GRIK2: variants seen among roughly 807,000 people sequenced by gnomAD.
GRIK2 encodes the protein glutamate receptor ionotropic, kainate 2.
In GRIK2, 32 loss-of-function variants were observed where a neutral mutation model predicts 100.3. The observed-to-expected ratio is 0.32, with a 90% confidence interval of 0.24 to 0.43. The LOEUF is 0.43. GRIK2 is among the 20% of genes least tolerant of loss of function. GRIK2 has a pLI of 1.00. For missense variants in GRIK2, 843 were observed against 1,114.9 expected (o/e 0.76, Z 3.47); for synonymous variants, 417 against 389.4 (o/e 1.07, Z -0.83).
At chr6:101,410,883 G>T (rs1775858297) in intron 2 of GRIK2, among the ~76,000 whole-genome samples, 1 of 152,028 alleles carries the variant, frequency 6.6e-6, no homozygotes, top group Non-Finnish European at 1.5e-5. Context: ...CAAGGGTAAG[G>T]TGGAGGACAA....
At chr6:101,953,060 T>G (rs974899029) in intron 14 of GRIK2, among the ~76,000 whole-genome samples, 1 of 152,226 alleles carries the variant, frequency 6.6e-6, no homozygotes, top group Non-Finnish European at 1.5e-5. Flanking sequence ...GCTCTTTGGC[T>G]TTAACTGAAC....
intron 14 of GRIK2, among the ~76,000 whole-genome samples, chr6:101,950,536 A>G (rs1482756258): frequency 1.3e-5 from 2 of 152,118 alleles, no homozygotes; most frequent in Non-Finnish European, 2.9e-5. Flanking sequence ...GATACTCTGA[A>G]TGATGAAGCA....
At chr6:101,783,018 G>T (rs535632469) in intron 7 of GRIK2, among the ~76,000 whole-genome samples, 1 of 151,750 alleles carries the variant, frequency 6.6e-6, no homozygotes, top group Admixed American at 6.6e-5. Context: ...CACCATGCCC[G>T]GCTAATTTTT....
chr6:101,402,911 C>CG (rs1303081803), intron 2 of GRIK2, among the ~76,000 whole-genome samples: 3 of 152,164 alleles, frequency 2.0e-5, no homozygotes, highest in Non-Finnish European at 4.4e-5. Context: ...CTTCCGTCCG[C>CG]GGGGGTGTGA....
chr6:101,928,291 A>G (rs898007213), intron 13 of GRIK2, 124 bp from the exon 14 acceptor site: 9 of 628,080 alleles, frequency 1.4e-5, no homozygotes, highest in Non-Finnish European at 2.3e-5. Context: ...TACTAAAGAA[A>G]TATGTAAATC....
intron 14 of GRIK2, among the ~76,000 whole-genome samples, chr6:102,016,563 CA>C (rs1031357607): frequency 9.2e-4 from 135 of 147,040 alleles, no homozygotes; most frequent in African/African-American, 3.1e-3. Context: ...TAAAAAAATT[CA>C]AAAAAAATTT....
chr6:101,905,441 G>T (rs1381485958), intron 12 of GRIK2, among the ~76,000 whole-genome samples: 1 of 151,456 alleles, frequency 6.6e-6, no homozygotes, highest in Non-Finnish European at 1.5e-5. Flanking sequence ...TTCATAAATA[G>T]CAGTTATTCT....
chr6:102,031,531 T>C (rs1247755609), intron 14 of GRIK2, among the ~76,000 whole-genome samples: 1 of 151,262 alleles, frequency 6.6e-6, no homozygotes, highest in African/African-American at 2.4e-5. Context: ...GGGTACATTA[T>C]GTGATGCTGA....
rs150409925 is a variant in GRIK2 at position 101,904,390 on chromosome 6, A to G, written c.1748+14527A>G. 2.7e-3 allele frequency among the ~76,000 whole-genome samples: 404 copies of G among 151,598 alleles called. 3 individuals are homozygous for G. The highest frequency in any genetic ancestry group is 8.8e-3 in the African/African-American group (365 of 41,494). On this transcript the variant is annotated intron_variant, in intron 12 of 16. Coordinates refer to ENST00000369134, the MANE Select transcript of GRIK2 (RefSeq NM_021956.5). ...AAGTTTTTAAAAAAATTACTGAAAC[A>G]ACATCATTGCTTCAATTTTTAATAT...
intron 2 of GRIK2, among the ~76,000 whole-genome samples, chr6:101,514,518 C>A (rs1369598192): frequency 1.3e-5 from 2 of 152,030 alleles, no homozygotes; most frequent in African/African-American, 4.8e-5. Flanking sequence ...CTTATAATTT[C>A]TCTAATATAG....
At chr6:101,984,474 G>T (rs1268465140) in intron 14 of GRIK2, among the ~76,000 whole-genome samples, 2 of 151,538 alleles carry the variant, frequency 1.3e-5, no homozygotes, top group African/African-American at 2.4e-5. Context: ...ATTTATACTT[G>T]CTGGACACAA....
chr6:101,639,963 T>A (rs559633616), intron 4 of GRIK2, among the ~76,000 whole-genome samples: 1 of 152,302 alleles, frequency 6.6e-6, no homozygotes, highest in South Asian at 2.1e-4. Flanking sequence ...CAAACCCTAA[T>A]GAAAATACAA....
At chr6:101,808,705 G>A (rs547948113) in intron 9 of GRIK2, among the ~76,000 whole-genome samples, 9 of 151,850 alleles carry the variant, frequency 5.9e-5, no homozygotes, top group Non-Finnish European at 1.2e-4. Context: ...CAGCAGATAG[G>A]CTCTAATAAA....
At chr6:101,859,170 A>G (rs568421215) in intron 10 of GRIK2, 117 bp from the exon 11 acceptor site, 2 of 587,426 alleles carry the variant, frequency 3.4e-6, no homozygotes, top group South Asian at 4.6e-5. Context: ...AAGAAAATAA[A>G]GTTGACTGTT....
Position 102,068,349 on chromosome 6 carries a change from G to C in GRIK2, c.2565G>C (p.Arg855Ser), listed in dbSNP as rs544856914. The change falls in exon 17 of 17, where the codon AGG becomes AGC. Residue 855 changes from arginine to serine, a missense_variant and splice_region_variant. Transcript: ENST00000369134. ...KSKKNAQLEK[R>S]SFCSAMVEEL... ...AATTTTTCTGTGTTCTTCTGTAGAG[G>C]TCCTTCTGTAGTGCCATGGTAGAAG... 1 of 1,607,622 alleles carries C rather than the reference G, an allele frequency of 6.2e-7. No homozygotes were observed. The highest frequency in any genetic ancestry group is 1.1e-5 in the South Asian group (1 of 90,854).
rs573009286 is a variant in GRIK2 at position 101,819,153 on chromosome 6, A to G, written c.1317+670A>G. 2.2e-4 allele frequency among the ~76,000 whole-genome samples: 33 copies of G among 152,254 alleles called. No homozygotes were observed. In the South Asian group the frequency reaches 6.4e-3, roughly 30 times the overall value. ...CCCACTATGTCATTTGCAAAAGGGA[A>G]TTTTAATTTAGGATAAGCAAATAGC... On this transcript the variant is annotated intron_variant, in intron 10 of 16. Transcript: ENST00000369134.
intron 1 of GRIK2, among the ~76,000 whole-genome samples, 122 bp downstream of exon 1, chr6:101,393,959 C>T (rs993527863): frequency 1.3e-5 from 2 of 152,206 alleles, no homozygotes; most frequent in Non-Finnish European, 2.9e-5. Context: ...AGGAAGAAGG[C>T]GAACAGTAGC....
intron 2 of GRIK2, among the ~76,000 whole-genome samples, chr6:101,451,330 T>A (rs1388377499): frequency 6.6e-6 from 1 of 151,830 alleles, no homozygotes; most frequent in Non-Finnish European, 1.5e-5. Context: ...TTGCTTTATA[T>A]CTCTCTTATA....
chr6:101,562,307 C>T (rs1219993028), intron 2 of GRIK2, among the ~76,000 whole-genome samples: 2 of 151,896 alleles, frequency 1.3e-5, no homozygotes, highest in Non-Finnish European at 2.9e-5. Context: ...ACAGTTCTGT[C>T]ATAATGGACA....
Sources: gnomAD v4.1 joint callset for allele counts (sites outside exome capture counted in the v4.1 genomes callset) on GRCh38, gnomAD v4.1.1 for gene constraint, MANE v1.5 for transcripts, NCBI Gene and HGNC (gene_info 2026-07-23, HGNC 2026-07-21) for gene names.